Variants in PABPC4L observed in about 807,000 individuals in gnomAD.
The protein encoded by PABPC4L is poly(A) binding protein cytoplasmic 4 like, also known as polyadenylate-binding protein 4-like.
For synonymous variants in PABPC4L, 169 were observed against 164.1 expected (o/e 1.03, Z -0.23); for missense variants, 452 against 451.4 (o/e 1.00, Z -0.01).
chr4:134,118,239 C>T, the PABPC4L span, among the ~76,000 whole-genome samples: 3 of 151,748 alleles, frequency 2.0e-5, no homozygotes, highest in Admixed American at 2.0e-4. Flanking sequence ...TACAGAGTTC[C>T]TGTAAAGGAT....
the PABPC4L span, among the ~76,000 whole-genome samples, chr4:134,017,540 T>G: frequency 6.6e-6 from 1 of 152,162 alleles, no homozygotes; most frequent in Non-Finnish European, 1.5e-5. Context: ...CCTGGTGCTA[T>G]CCCCAAACTG....
the PABPC4L span, among the ~76,000 whole-genome samples, chr4:133,959,402 C>T: frequency 6.6e-6 from 1 of 152,024 alleles, no homozygotes; most frequent in Non-Finnish European, 1.5e-5. Flanking sequence ...TTAGATGAGA[C>T]CTAAGGATAA....
the PABPC4L span, among the ~76,000 whole-genome samples, chr4:134,181,315 T>C: frequency 6.6e-6 from 1 of 151,822 alleles, no homozygotes; most frequent in Non-Finnish European, 1.5e-5. Context: ...CAATAAAATT[T>C]AATATCCCTT....
chr4:134,122,645 A>C, the PABPC4L span, among the ~76,000 whole-genome samples: 1 of 151,892 alleles, frequency 6.6e-6, no homozygotes, highest in Admixed American at 6.6e-5. Context: ...TTTTAAAACA[A>C]ACTTGATAGC....
intron 1 of PABPC4L, among the ~76,000 whole-genome samples, 194 bp downstream of exon 1, chr4:134,201,524 G>A (rs950017224): frequency 6.6e-6 from 1 of 152,116 alleles, no homozygotes; most frequent in African/African-American, 2.4e-5. Context: ...ACCGGGTTCT[G>A]CAGGCGCCGC....
the PABPC4L span, among the ~76,000 whole-genome samples, chr4:134,098,167 T>C: frequency 0.21 from 31,656 of 151,758 alleles, 4,073 homozygotes; most frequent in Non-Finnish European, 0.27. Context: ...GGCTAAGAGA[T>C]TTGCCTTTGA....
At chr4:134,108,928 T>C in the PABPC4L span, among the ~76,000 whole-genome samples, 1 of 151,950 alleles carries the variant, frequency 6.6e-6, no homozygotes, top group Non-Finnish European at 1.5e-5. Flanking sequence ...TTGACTGACT[T>C]CCAACCCATT....
At chr4:133,964,266 CAGAA>C in the PABPC4L span, among the ~76,000 whole-genome samples, 5 of 151,374 alleles carry the variant, frequency 3.3e-5, no homozygotes, top group African/African-American at 1.2e-4. Context: ...TAGCTTAAAT[CAGAA>C]AGAATTAGAT....
the PABPC4L span, among the ~76,000 whole-genome samples, chr4:134,113,947 G>T: frequency 6.6e-6 from 1 of 151,870 alleles, no homozygotes; most frequent in Non-Finnish European, 1.5e-5. Flanking sequence ...TCAACCTTTT[G>T]CTGTGTGTAA....
chr4:134,124,895 T>A, the PABPC4L span, among the ~76,000 whole-genome samples: 3 of 152,002 alleles, frequency 2.0e-5, no homozygotes, highest in African/African-American at 7.2e-5. Flanking sequence ...TGAAGGGCTG[T>A]TTTTTCTTCT....
the PABPC4L span, among the ~76,000 whole-genome samples, chr4:134,143,382 A>G: frequency 0.026 from 3,938 of 150,196 alleles, 171 homozygotes; most frequent in African/African-American, 0.09. Flanking sequence ...GTAATTGTGT[A>G]TATATATTCA....
the PABPC4L span, among the ~76,000 whole-genome samples, chr4:134,140,346 T>C: frequency 6.6e-6 from 1 of 151,830 alleles, no homozygotes; most frequent in African/African-American, 2.4e-5. Context: ...CTTAAATATA[T>C]GCAATAAAAG....
the PABPC4L span, among the ~76,000 whole-genome samples, chr4:134,076,486 G>A: frequency 2.0e-5 from 3 of 152,114 alleles, no homozygotes; most frequent in Admixed American, 1.3e-4. Context: ...ACATACATGC[G>A]AGAGAATCAA....
At chr4:134,153,988 A>C in the PABPC4L span, among the ~76,000 whole-genome samples, 4 of 151,888 alleles carry the variant, frequency 2.6e-5, no homozygotes, top group Non-Finnish European at 4.4e-5. Context: ...AGGAAAAAGG[A>C]AGGTGGTGAA....
At chr4:134,079,929 A>AAT in the PABPC4L span, among the ~76,000 whole-genome samples, 1 of 152,030 alleles carries the variant, frequency 6.6e-6, no homozygotes, top group Non-Finnish European at 1.5e-5. Flanking sequence ...TTTTTTTGGA[A>AAT]ATGACCAGAA....
At chr4:134,061,896 AG>A in the PABPC4L span, among the ~76,000 whole-genome samples, 1 of 151,952 alleles carries the variant, frequency 6.6e-6, no homozygotes, top group African/African-American at 2.4e-5. Context: ...AGAAAATGAC[AG>A]AAAATATTAT....
the PABPC4L span, among the ~76,000 whole-genome samples, chr4:134,100,987 A>C: frequency 6.6e-6 from 1 of 150,850 alleles, no homozygotes; most frequent in Admixed American, 6.6e-5. Context: ...AGGAAAATAC[A>C]TATTTCCCAT....
At chr4:134,050,547 A>C in the PABPC4L span, among the ~76,000 whole-genome samples, 1 of 151,958 alleles carries the variant, frequency 6.6e-6, no homozygotes, top group African/African-American at 2.4e-5. Flanking sequence ...TCTACTAAAA[A>C]TACAAAGATT....
the PABPC4L span, among the ~76,000 whole-genome samples, chr4:134,132,864 T>G: frequency 6.8e-6 from 1 of 147,242 alleles, no homozygotes; most frequent in Non-Finnish European, 1.5e-5. Flanking sequence ...ATGAGATATA[T>G]ATATTATATT....
Sources: gnomAD v4.1 joint callset for allele counts (sites outside exome capture counted in the v4.1 genomes callset) on GRCh38, gnomAD v4.1.1 for gene constraint, MANE v1.5 for transcripts, NCBI Gene and HGNC (gene_info 2026-07-23, HGNC 2026-07-21) for gene names.